The following ADGRL2 variants were observed in gnomAD, a reference collection of about 807,000 sequenced individuals.
ADGRL2 encodes adhesion G protein-coupled receptor L2.
In ADGRL2, 44 loss-of-function variants were observed where a neutral mutation model predicts 157.4. The ratio of observed to expected loss-of-function variants is 0.28; its 90% CI spans 0.22 to 0.36. The LOEUF is 0.36. ADGRL2 is among the 10% of genes least tolerant of loss of function. The pLI is 1.00. For synonymous variants in ADGRL2, 585 were observed against 624.7 expected, an observed-to-expected ratio of 0.94 and a Z score of 0.95; for missense variants, 1,510 against 1,768.9, an observed-to-expected ratio of 0.85 and a Z score of 2.63.
At chr1:81,862,651 G>C (rs964146256) in intron 2 of ADGRL2, among the ~76,000 whole-genome samples, 3 of 152,014 alleles carry the variant, frequency 2.0e-5, no homozygotes, top group African/African-American at 7.2e-5. Context: ...CCATTTTTTT[G>C]TTGCTGGATT....
chr1:81,516,042 CAAAATT>C (rs1484812494), intron 2 of ADGRL2, among the ~76,000 whole-genome samples: 1 of 151,936 alleles, frequency 6.6e-6, no homozygotes, highest in Non-Finnish European at 1.5e-5. Flanking sequence ...TTTAATAATT[CAAAATT>C]TTAATTTTCA....
chr1:81,354,377 T>C (rs1017799821), intron 1 of ADGRL2, among the ~76,000 whole-genome samples: 25 of 152,340 alleles, frequency 1.6e-4, no homozygotes, highest in African/African-American at 5.5e-4. Flanking sequence ...TGTAAATCCA[T>C]ACTCTGAATG....
intron 1 of ADGRL2, among the ~76,000 whole-genome samples, chr1:81,391,392 G>T (rs35211473): frequency 0.14 from 20,666 of 146,162 alleles, 9 homozygotes; most frequent in Non-Finnish European, 0.21. Flanking sequence ...ATGAACTAGA[G>T]CTGCTGCTCT....
At chr1:81,558,438 C>T (rs919011871) in intron 2 of ADGRL2, among the ~76,000 whole-genome samples, 4 of 151,774 alleles carry the variant, frequency 2.6e-5, no homozygotes, top group African/African-American at 7.3e-5. Flanking sequence ...TATCAAATTA[C>T]AACACCTTTC....
chr1:81,363,303 G>A (rs926780410), intron 1 of ADGRL2, among the ~76,000 whole-genome samples: 9 of 152,026 alleles, frequency 5.9e-5, no homozygotes, highest in African/African-American at 2.2e-4. Flanking sequence ...GTGTACGAAA[G>A]GGTAACTTAG....
intron 22 of ADGRL2, 104 bp downstream of exon 22, chr1:81,987,133 C>T (rs958450422): frequency 1.4e-6 from 2 of 1,424,854 alleles, no homozygotes; most frequent in Non-Finnish European, 1.9e-6. Flanking sequence ...TTTATTGTTA[C>T]ATTCTTAATT....
At chr1:81,622,311 G>A (rs562549774) in intron 3 of ADGRL2, among the ~76,000 whole-genome samples, 3 of 152,224 alleles carry the variant, frequency 2.0e-5, no homozygotes, top group Admixed American at 6.5e-5. Context: ...GGCCGGGCAC[G>A]GTAGCTCATG....
chr1:81,796,089 C>T (rs1461087045), upstream of ADGRL2, among the ~76,000 whole-genome samples: 1 of 152,156 alleles, frequency 6.6e-6, no homozygotes, highest in African/African-American at 2.4e-5. Flanking sequence ...CCCCCAGGTT[C>T]AAGCAATTCT....
At chr1:81,381,552 G>A (rs1485295671) in intron 1 of ADGRL2, among the ~76,000 whole-genome samples, 1 of 151,990 alleles carries the variant, frequency 6.6e-6, no homozygotes, top group Non-Finnish European at 1.5e-5. Flanking sequence ...CAGCCTTGGG[G>A]GCAGAGCAAG....
chr1:81,427,971 T>C (rs751651987), intron 1 of ADGRL2, among the ~76,000 whole-genome samples: 25 of 152,164 alleles, frequency 1.6e-4, no homozygotes, highest in Non-Finnish European at 3.2e-4. Flanking sequence ...GAATAAAAAA[T>C]TAAGGAATTT....
chr1:81,956,453 A>T (rs1486837414), intron 11 of ADGRL2, among the ~76,000 whole-genome samples: 1 of 152,086 alleles, frequency 6.6e-6, no homozygotes, highest in Non-Finnish European at 1.5e-5. Context: ...TCTCAGTCAG[A>T]TATTTTAGCA....
At chr1:81,630,610 A>C (rs2081993678) in intron 3 of ADGRL2, among the ~76,000 whole-genome samples, 1 of 152,170 alleles carries the variant, frequency 6.6e-6, no homozygotes, top group Non-Finnish European at 1.5e-5. Context: ...TAGAATTTTA[A>C]ACTTTCCACA....
intron 23 of ADGRL2, chr1:81,988,534 C>A (rs939820192): frequency 6.6e-6 from 1 of 151,862 alleles, no homozygotes; most frequent in African/African-American, 2.4e-5. Context: ...AGAATTGTGT[C>A]TACCAAGTTA....
At chr1:81,851,282 C>G (rs916015124) in intron 2 of ADGRL2, among the ~76,000 whole-genome samples, 1 of 151,918 alleles carries the variant, frequency 6.6e-6, no homozygotes, top group African/African-American at 2.4e-5. Context: ...GTTGGCTTCT[C>G]TTCCCTAAAT....
chr1:81,769,292 A>G (rs1427683047), intron 2 of ADGRL2, among the ~76,000 whole-genome samples: 2 of 152,004 alleles, frequency 1.3e-5, no homozygotes, highest in African/African-American at 4.8e-5. Context: ...TGCATTTCCC[A>G]CTCAAGAAAG....
intron 1 of ADGRL2, among the ~76,000 whole-genome samples, chr1:81,398,945 G>A (rs192729558): frequency 2.6e-5 from 4 of 152,222 alleles, no homozygotes; most frequent in African/African-American, 7.2e-5. Flanking sequence ...GTCCATATCT[G>A]TATTAGTCTG....
At chr1:81,314,860 G>A (rs1660000976) in intron 1 of ADGRL2, among the ~76,000 whole-genome samples, 1 of 152,064 alleles carries the variant, frequency 6.6e-6, no homozygotes, top group Non-Finnish European at 1.5e-5. Context: ...ATAACATTGT[G>A]ATCATTTCCT....
intron 1 of ADGRL2, among the ~76,000 whole-genome samples, chr1:81,337,286 G>A (rs957754883): frequency 6.6e-6 from 1 of 152,214 alleles, no homozygotes; most frequent in African/African-American, 2.4e-5. Context: ...ATTCACGGAT[G>A]ACAAAGCTAA....
intron 1 of ADGRL2, among the ~76,000 whole-genome samples, chr1:81,310,988 T>C (rs1326449783): frequency 2.6e-5 from 4 of 152,120 alleles, no homozygotes; most frequent in Admixed American, 2.6e-4. Context: ...CTAAATTCTT[T>C]GGCTGTAATA....
Sources: gnomAD v4.1 joint callset for allele counts (sites outside exome capture counted in the v4.1 genomes callset) on GRCh38, gnomAD v4.1.1 for gene constraint, MANE v1.5 for transcripts, NCBI Gene and HGNC (gene_info 2026-07-23, HGNC 2026-07-21) for gene names.